CCNJL: variants seen among roughly 807,000 people sequenced by gnomAD.
CCNJL encodes the protein cyclin J like, also known as cyclin-J-like protein.
A neutral mutation model predicts 33.4 loss-of-function variants in CCNJL; 33 were observed. That is an observed-to-expected ratio of 0.99 (90% CI 0.75 to 1.32). The LOEUF (loss-of-function observed/expected upper bound fraction) is 1.32. Ranked by LOEUF, CCNJL falls within the 40% of genes most tolerant of loss-of-function variation. The probability of loss-of-function intolerance (pLI) is 0.00; values close to 1 mark genes in which losing one functional copy is unlikely to be tolerated. For synonymous variants in CCNJL, 227 were observed against 220.9 expected, an observed-to-expected ratio of 1.03 and a Z score of -0.24; for missense variants, 512 against 499.7, an observed-to-expected ratio of 1.02 and a Z score of -0.23.
intron 2 of CCNJL, among the ~76,000 whole-genome samples, chr5:160,297,739 TG>T (rs778273611): frequency 1.1e-4 from 16 of 151,600 alleles, no homozygotes; most frequent in Non-Finnish European, 1.8e-4. Context: ...GCAACTTGGT[TG>T]AAGAAAAGAA....
chr5:160,282,474 A>G (rs1440056128), intron 2 of CCNJL, among the ~76,000 whole-genome samples: 2 of 152,246 alleles, frequency 1.3e-5, no homozygotes, highest in African/African-American at 2.4e-5. Context: ...TTCAAAACTT[A>G]AAACATTTAT....
rs1561812578 is a variant in CCNJL at position 160,320,863 on chromosome 5, TTCTTTC to T, written n.207-5364_207-5359del. Among the ~76,000 whole-genome samples the T allele has an allele frequency of 3.8e-4, 53 of 141,330 alleles. 1 individual carries two copies. The highest frequency in any genetic ancestry group is 1.1e-3 in the African/African-American group (40 of 37,696). The allele number at this position is 141,330 out of a possible 152,430, so 92.7% of individuals were successfully genotyped here. The stretch of plus-strand genomic sequence containing the variant: ...TTTCTTTCTTTCCTTCTTTCTTTCT[TTCTTTC>T]TCTCTTTCTTTCTTTTTCTTTCTTT... On this transcript the variant is annotated intron_variant and non_coding_transcript_variant, in intron 1 of 7. Coordinates refer to the CCNJL transcript ENST00000377503.
chr5:160,331,589 C>T (rs1440687973), intron 1 of CCNJL, among the ~76,000 whole-genome samples: 1 of 152,158 alleles, frequency 6.6e-6, no homozygotes, highest in African/African-American at 2.4e-5. Context: ...TTCCAGATTC[C>T]ATTCCAAAGT....
intron 3 of CCNJL, among the ~76,000 whole-genome samples, chr5:160,274,593 C>G (rs1226333600): frequency 6.6e-6 from 1 of 152,230 alleles, no homozygotes; most frequent in Non-Finnish European, 1.5e-5. Context: ...TTCCCACCCC[C>G]CTGAAAGAAA....
chr5:160,282,982 T>TATATATATATATATATATAC (rs1762275378), intron 2 of CCNJL, among the ~76,000 whole-genome samples: 1 of 69,588 alleles, frequency 1.4e-5, no homozygotes, highest in Non-Finnish European at 2.6e-5. Flanking sequence ...TATATATATA[T>TATATATATATATATATATAC]ATATATATAT....
rs1205038108 is a variant in CCNJL, at chr5:160,250,749, GATTT to G, written c.*2625_*2628del. 1 of 152,218 alleles carries G rather than the reference GATTT, an allele frequency of 6.6e-6. No homozygotes were observed. Among genetic ancestry groups the G allele is most frequent in the African/African-American group, 2.4e-5 (1 of 41,458 alleles). The allele number at this position is 152,218 out of a possible 1,614,324, so 9.4% of individuals were successfully genotyped here. Reference sequence around the variant, plus strand: ...AATGGTATCTTGCAAACTGCCTCATGATTTAGTTTTCTAAAAAGTCTTATTAGTG... The same window carrying G: ...AATGGTATCTTGCAAACTGCCTCATGAGTTTTCTAAAAAGTCTTATTAGTG... On this transcript the variant is annotated 3_prime_UTR_variant, in exon 6 of 6. Coordinates refer to ENST00000257536, the MANE Select transcript of CCNJL (RefSeq NM_001308173.3).
intron 3 of CCNJL, among the ~76,000 whole-genome samples, chr5:160,272,004 G>A (rs1177054735): frequency 6.6e-6 from 1 of 152,186 alleles, no homozygotes; most frequent in Non-Finnish European, 1.5e-5. Flanking sequence ...ATACACCCCT[G>A]AAAAAGACCA....
At chr5:160,307,762 C>T (rs181885352) in intron 2 of CCNJL, among the ~76,000 whole-genome samples, 5 of 152,116 alleles carry the variant, frequency 3.3e-5, no homozygotes, top group African/African-American at 4.8e-5. Context: ...CTGAAGGGAG[C>T]GGGGTCCTAG....
Position 160,253,220 on chromosome 5 carries a change from G to C in CCNJL, c.*158C>G. The C allele has an allele frequency of 1.7e-6, 1 of 586,992 alleles. No homozygotes were observed. The highest frequency in any genetic ancestry group is 2.8e-6 in the Non-Finnish European group (1 of 354,740). 36.4% of individuals were successfully genotyped at this position (586,992 alleles called of 1,614,324 possible). ...GGTGAGGTATGTTATTGAATGTTTT[G>C]CTCTGGGTCAGTTTTATTTAAAAGG... On this transcript the variant is annotated 3_prime_UTR_variant, in exon 6 of 6. Transcript: ENST00000257536.
intron 1 of CCNJL, among the ~76,000 whole-genome samples, chr5:160,333,779 G>C (rs1313312856): frequency 6.6e-6 from 1 of 151,958 alleles, no homozygotes; most frequent in Admixed American, 6.6e-5. Context: ...ACGCCCCCTT[G>C]CTTAGCAATT....
At chr5:160,263,063 A>G (rs1420292795) in intron 3 of CCNJL, among the ~76,000 whole-genome samples, 1 of 152,236 alleles carries the variant, frequency 6.6e-6, no homozygotes, top group Non-Finnish European at 1.5e-5. Context: ...AAATTTTCAA[A>G]TCAGAGAAAA....
Position 160,250,449 on chromosome 5 carries a change from C to T in CCNJL, c.*2929G>A, listed in dbSNP as rs1246011986. On this transcript the variant is annotated 3_prime_UTR_variant, in exon 6 of 6. Transcript: ENST00000257536. ...TGGGTCTGGGCTGCAGCCTCAGGCC[C>T]TGAGCTCATCTTCCCATTCCTCCCC... is the stretch of plus-strand genomic sequence containing the variant. 6.6e-6 allele frequency: 1 copy of T among 152,296 alleles called. No homozygotes were observed. Among genetic ancestry groups the T allele is most frequent in the Non-Finnish European group, 1.5e-5 (1 of 68,096 alleles). 9.4% of individuals were successfully genotyped at this position (152,296 alleles called of 1,614,324 possible). A position where few individuals can be genotyped will look rare whatever the true frequency, so the allele number is the denominator to read the frequency against.
Position 160,323,395 on chromosome 5 carries a change from C to CA in CCNJL, n.207-7891dup, listed in dbSNP as rs1446956924. ...TGGGTGTGAGCCACCGTGCCTGGCT[C>CA]AAAAATATTTTTACTAGCTACATAA... On this transcript the variant is annotated intron_variant and non_coding_transcript_variant, in intron 1 of 7. Transcript: ENST00000377503. Among the ~76,000 whole-genome samples, 4 of 152,202 alleles carry CA rather than the reference C, an allele frequency of 2.6e-5. No individual in the cohort carries two copies. In the East Asian group the frequency reaches 7.7e-4, roughly 29 times the overall value.
chr5:160,335,749 A>T (rs200985885), intron 1 of CCNJL, among the ~76,000 whole-genome samples: 1,776 of 140,746 alleles, frequency 0.013, 41 homozygotes, highest in African/African-American at 0.042. Flanking sequence ...TTTTTTTGAA[A>T]TTTTTTTTTT....
chr5:160,311,051 C>T (rs72814309), intron 2 of CCNJL, among the ~76,000 whole-genome samples: 252 of 152,264 alleles, frequency 1.7e-3, no homozygotes, highest in Middle Eastern at 3.4e-3. Context: ...CCCAAGCCAC[C>T]CCTTGCCAAT....
intron 3 of CCNJL, among the ~76,000 whole-genome samples, chr5:160,262,499 G>A (rs990205604): frequency 6.6e-6 from 1 of 152,186 alleles, no homozygotes; most frequent in Admixed American, 6.5e-5. Flanking sequence ...AAACTCGACA[G>A]GCTGCTTATT....
chr5:160,339,265 ATATATATG>A (rs1763719929), intron 1 of CCNJL, among the ~76,000 whole-genome samples: 1 of 108,330 alleles, frequency 9.2e-6, no homozygotes, highest in Non-Finnish European at 2.1e-5. Flanking sequence ...TAATTTATAT[ATATATATG>A]TATGGTATAA....
At chr5:160,255,323 T>C (rs571587465) in intron 5 of CCNJL, 1 of 365,138 alleles carries the variant, frequency 2.7e-6, no homozygotes, top group East Asian at 4.4e-5. Context: ...AAAAAAAAAA[T>C]AAAATAAAAT....
At position 160,252,111 on chromosome 5, in the gene CCNJL, G is replaced by A. The variant is rs981099077; in HGVS notation, c.*1267C>T. 2.0e-5 allele frequency: 3 copies of A among 152,698 alleles called. No homozygotes were observed. The highest frequency in any genetic ancestry group is 7.2e-5 in the African/African-American group (3 of 41,448). The allele number at this position is 152,698 out of a possible 1,614,324, so 9.5% of individuals were successfully genotyped here. On this transcript the variant is annotated 3_prime_UTR_variant, in exon 6 of 6. Transcript: ENST00000257536. ...CTCCCAGTTCTGCTGGGTGAACAAT[G>A]TGTCCCCCAACCCCAAACTAAACCA...
Sources: gnomAD v4.1 joint callset for allele counts (sites outside exome capture counted in the v4.1 genomes callset) on GRCh38, gnomAD v4.1.1 for gene constraint, MANE v1.5 for transcripts, NCBI Gene and HGNC (gene_info 2026-07-23, HGNC 2026-07-21) for gene names.